The following ZNF722 variants were observed in gnomAD, a reference collection of about 807,000 sequenced individuals.
ZNF722 encodes zinc finger protein 722.
chr7:63,999,019 A>G, the ZNF722 span: 1 of 1,575,672 alleles, frequency 6.3e-7, no homozygotes, highest in Non-Finnish European at 8.7e-7. Flanking sequence ...TGGGTCTGTC[A>G]TCGTGAGAGG....
chr7:64,015,609 T>A, the ZNF722 span: 1 of 1,613,728 alleles, frequency 6.2e-7, no homozygotes. Flanking sequence ...TAGGCGCTCC[T>A]CAACACTTAC....
chr7:64,013,705 T>C, the ZNF722 span, among the ~76,000 whole-genome samples: 1 of 152,102 alleles, frequency 6.6e-6, no homozygotes, highest in Non-Finnish European at 1.5e-5. Context: ...GGAATTTTAT[T>C]TTTTTATATA....
the ZNF722 span, among the ~76,000 whole-genome samples, chr7:64,007,390 C>T: frequency 6.6e-6 from 1 of 151,992 alleles, no homozygotes; most frequent in African/African-American, 2.4e-5. Flanking sequence ...ATCCCTCCCC[C>T]ATCCCCCAAC....
chr7:63,999,164 C>G, the ZNF722 span, among the ~76,000 whole-genome samples: 1 of 152,232 alleles, frequency 6.6e-6, no homozygotes, highest in Non-Finnish European at 1.5e-5. Flanking sequence ...CCGTAAGATG[C>G]TGCCTGGGCC....
At chr7:64,017,945 ATTGT>A in the ZNF722 span, among the ~76,000 whole-genome samples, 25 of 152,296 alleles carry the variant, frequency 1.6e-4, no homozygotes, top group East Asian at 1.5e-3. Context: ...GATTCTTCCC[ATTGT>A]TTGTGAAAGT....
At chr7:64,017,770 G>A in the ZNF722 span, among the ~76,000 whole-genome samples, 2 of 152,152 alleles carry the variant, frequency 1.3e-5, no homozygotes, top group Admixed American at 6.6e-5. Flanking sequence ...TCAGAGTGTT[G>A]AATGTAAAAG....
At chr7:64,017,308 T>G in the ZNF722 span, among the ~76,000 whole-genome samples, 2,290 of 152,054 alleles carry the variant, frequency 0.015, 59 homozygotes, top group African/African-American at 0.052. Context: ...TGCTTGAACC[T>G]GAGAGGTGGA....
the ZNF722 span, among the ~76,000 whole-genome samples, chr7:64,016,360 A>G: frequency 3.2e-3 from 493 of 152,036 alleles, 1 homozygote; most frequent in African/African-American, 0.011. Context: ...CTGGTCTCGA[A>G]CTCCTAACCT....
chr7:63,999,011 G>A, the ZNF722 span: 1 of 1,577,422 alleles, frequency 6.3e-7, no homozygotes, highest in Non-Finnish European at 8.7e-7. Context: ...GTGAGTGCTG[G>A]GTCTGTCATC....
At chr7:64,004,457 A>ATAT in the ZNF722 span, among the ~76,000 whole-genome samples, 1 of 115,028 alleles carries the variant, frequency 8.7e-6, no homozygotes, top group Non-Finnish European at 1.8e-5. Flanking sequence ...TATATATATA[A>ATAT]AATTAAATTT....
chr7:64,005,582 G>GT, the ZNF722 span: 98 of 919,082 alleles, frequency 1.1e-4, 2 homozygotes, highest in South Asian at 1.3e-3. Context: ...GTTCATGAGT[G>GT]TTTTTTGTTT....
chr7:64,015,522 C>A, the ZNF722 span: 2 of 1,611,358 alleles, frequency 1.2e-6, no homozygotes, highest in Non-Finnish European at 1.7e-6. Context: ...CTTTAGGTGG[C>A]CCTCAAACCT....
the ZNF722 span, among the ~76,000 whole-genome samples, chr7:64,009,095 G>A: frequency 1.3e-5 from 2 of 150,904 alleles, no homozygotes; most frequent in Non-Finnish European, 3.0e-5. Flanking sequence ...CATTGGTTTT[G>A]TATCTTGAGA....
At chr7:64,016,852 A>G in the ZNF722 span, among the ~76,000 whole-genome samples, 1 of 152,206 alleles carries the variant, frequency 6.6e-6, no homozygotes. Flanking sequence ...GAAACTAGAA[A>G]TGTGTTAAAT....
At chr7:63,999,116 A>C in the ZNF722 span, 1 of 1,198,938 alleles carries the variant, frequency 8.3e-7, no homozygotes, top group Non-Finnish European at 1.2e-6. Context: ...GAGGACCCAA[A>C]TCCTCCTTGT....
At chr7:64,004,425 A>AAAAAAAAAAAATATATATATATGT in the ZNF722 span, among the ~76,000 whole-genome samples, 7 of 61,120 alleles carry the variant, frequency 1.1e-4, no homozygotes, top group South Asian at 6.1e-4. Flanking sequence ...AAAAAAAAAA[A>AAAAAAAAAAAATATATATATATGT]ATATATATAT....
the ZNF722 span, among the ~76,000 whole-genome samples, chr7:64,017,319 G>C: frequency 1.1e-4 from 16 of 148,734 alleles, no homozygotes; most frequent in African/African-American, 4.0e-4. Context: ...GAGAGGTGGA[G>C]GTTGCAGTGA....
chr7:64,000,130 T>TGTG, the ZNF722 span, among the ~76,000 whole-genome samples: 62,901 of 139,588 alleles, frequency 0.45, 14,394 homozygotes, highest in Non-Finnish European at 0.54. Context: ...TTTTTTTTTT[T>TGTG]TTTGTGTGTG....
At chr7:64,000,577 A>G in the ZNF722 span, among the ~76,000 whole-genome samples, 5 of 148,416 alleles carry the variant, frequency 3.4e-5, no homozygotes, top group East Asian at 1.0e-3. Flanking sequence ...CAGCCTCCCA[A>G]GTAGCTGGGA....
Sources: allele counts gnomAD v4.1 joint callset (sites outside exome capture counted in the v4.1 genomes callset), GRCh38; gene constraint gnomAD v4.1.1; transcripts MANE v1.5; gene names NCBI Gene and HGNC (gene_info 2026-07-23, HGNC 2026-07-21).